ZNF839: variants seen among roughly 807,000 people sequenced by gnomAD.
ZNF839 encodes the protein zinc finger protein 839.
Under a neutral mutation model 56.4 loss-of-function variants are expected in ZNF839, and 38 were observed. That is an observed-to-expected ratio of 0.67 (90% CI 0.52 to 0.88). ZNF839 has a LOEUF of 0.88. Among genes scored for constraint, ZNF839 ranks in the 40% least tolerant of loss-of-function variants. The pLI is 0.00. For missense variants in ZNF839, 1,091 were observed against 1,177.6 expected (o/e 0.93, Z 1.08); for synonymous variants, 486 against 493.5 (o/e 0.98, Z 0.20).
At chr14:102,321,914 G>A (rs2073149466) in intron 1 of ZNF839, among the ~76,000 whole-genome samples, 1 of 152,106 alleles carries the variant, frequency 6.6e-6, no homozygotes, top group African/African-American at 2.4e-5. Context: ...CTGTGGGGGT[G>A]GTGTGGATCA....
chr14:102,321,621 T>C (rs920360209), intron 1 of ZNF839, among the ~76,000 whole-genome samples: 1 of 152,192 alleles, frequency 6.6e-6, no homozygotes, highest in Admixed American at 6.6e-5. Context: ...ACCGGATGCG[T>C]ACTTTGCCCC....
chr14:102,329,063 G>A lies in ZNF839; in HGVS notation c.1191+2176G>A, dbSNP rs191517232. Among the ~76,000 whole-genome samples the A allele has an allele frequency of 2.4e-4, 36 of 150,230 alleles. No homozygotes were observed. In the East Asian group the frequency reaches 5.6e-3, roughly 23 times the overall value. On this transcript the variant is annotated intron_variant, in intron 2 of 7. Coordinates refer to ENST00000442396, the MANE Select transcript of ZNF839 (RefSeq NM_018335.6). ...CAGTTCACTGCAACCTCTACCTCCC[G>A]GGTTCAAGTCGTTCTCCTGCCTCAG...
rs1235083929 is a variant in ZNF839, at chr14:102,335,739, A to T, written c.1560A>T (p.Glu520Asp). 2 of 1,601,162 alleles carry T rather than the reference A, an allele frequency of 1.2e-6. No individual in the cohort carries two copies. Among genetic ancestry groups the T allele is most frequent in the South Asian group, 2.2e-5 (2 of 91,052 alleles). Residue 520 changes from glutamate (E) to aspartate (D), a missense_variant, in exon 5 of 8, where the codon GAA (glutamate) becomes GAT (aspartate). Physicochemically the swap from Glu to Asp is conservative, Grantham distance 45. Coordinates refer to ENST00000442396, the MANE Select transcript of ZNF839 (RefSeq NM_018335.6). ...AKPFFPAIYK[E>D]FEELHKMVKK... ...CTTTTTTCCCAGCTATATATAAGGA[A>T]TTTGAAGAGTTGCATAAAATGGTTA...
chr14:102,325,025 T>G (rs938726477), intron 1 of ZNF839, among the ~76,000 whole-genome samples: 2 of 152,108 alleles, frequency 1.3e-5, no homozygotes, highest in Admixed American at 6.6e-5. Flanking sequence ...TGAAATCAAC[T>G]TAGTGGATTA....
In ZNF839 at chr14:102,326,367, C is replaced by T; in HGVS notation, c.671C>T (p.Ser224Leu). The T allele has an allele frequency of 6.2e-7, 1 of 1,610,592 alleles. No individual in the cohort carries two copies. Among genetic ancestry groups the T allele is most frequent in the Non-Finnish European group, 8.5e-7 (1 of 1,178,168 alleles). ...GCAGTAACATCTCTTTCATCCAGTT[C>T]AGCACATCCATTTATTTCCAACTTG... ...PLAVTSLSSS[S>L]AHPFISNLHT... The change falls in exon 2 of 8, where the codon TCA becomes TTA. Residue 224 changes from serine to leucine, a missense_variant. Ser to Leu is a moderately radical substitution (Grantham distance 145, BLOSUM62 -2). Around this residue, in one of 3 missense-constraint regions of ZNF839, gnomAD observed 614 missense variants for 629.2 expected, o/e 0.98. Transcript: ENST00000442396. The surrounding 1 kb of genome is among the most constrained non-coding windows in gnomAD (Gnocchi z 4.3).
intron 5 of ZNF839, chr14:102,337,504 A>G (rs1456581507): frequency 1.3e-5 from 2 of 152,134 alleles, no homozygotes; most frequent in Non-Finnish European, 2.9e-5. Context: ...AAAATGTAAA[A>G]GGTTTTTGCT....
Position 102,334,592 on chromosome 14 carries a change from G to C in ZNF839, c.1455G>C (p.Leu485Phe). 1 of 1,612,640 alleles carries C rather than the reference G, an allele frequency of 6.2e-7. No homozygotes were observed. The highest frequency in any genetic ancestry group is 8.5e-7 in the Non-Finnish European group (1 of 1,179,384). The change falls in exon 4 of 8, where the codon TTG becomes TTC. Residue 485 changes from leucine to phenylalanine, a missense_variant. Coordinates refer to ENST00000442396, the MANE Select transcript of ZNF839 (RefSeq NM_018335.6). Reference sequence around the variant, plus strand: ...GTGACCGGGAGGATCTGGTGGAATTGGCTCTGCCTCAGCTGGCTCAGGTTG... The same window carrying C: ...GTGACCGGGAGGATCTGGTGGAATTCGCTCTGCCTCAGCTGGCTCAGGTTG... The part of the protein sequence containing the change: ...QQCDREDLVE[L>F]ALPQLAQVVT...
chr14:102,337,801 C>T (rs374589302), intron 5 of ZNF839: 8 of 152,320 alleles, frequency 5.3e-5, no homozygotes, highest in African/African-American at 1.9e-4. Flanking sequence ...CCGTGCCCAC[C>T]CCCATCTCAT....
intron 1 of ZNF839, among the ~76,000 whole-genome samples, chr14:102,322,730 A>G (rs35829645): frequency 0.16 from 24,961 of 152,048 alleles, 2,511 homozygotes; most frequent in Non-Finnish European, 0.24. Flanking sequence ...ATGCCTGGCT[A>G]ATTTAAAAAT....
intron 2 of ZNF839, among the ~76,000 whole-genome samples, chr14:102,329,585 A>G (rs911057660): frequency 1.3e-5 from 2 of 151,686 alleles, no homozygotes; most frequent in Admixed American, 1.3e-4. Context: ...GGGTTTCGCC[A>G]TATTCGCCAG....
intron 1 of ZNF839, among the ~76,000 whole-genome samples, chr14:102,322,308 C>G (rs891124640): frequency 6.6e-6 from 1 of 152,176 alleles, no homozygotes; most frequent in Non-Finnish European, 1.5e-5. Context: ...CCAGGAGATC[C>G]GATTCAGCAG....
chr14:102,338,753 ATG>A, intron 5 of ZNF839, 61 bp from the exon 6 acceptor site: 1 of 1,600,372 alleles, frequency 6.2e-7, no homozygotes, highest in Non-Finnish European at 8.5e-7. Flanking sequence ...TTGCATGTGA[ATG>A]TGCTTCTGGG....
At chr14:102,323,278 C>T (rs1235187889) in intron 1 of ZNF839, among the ~76,000 whole-genome samples, 1 of 152,258 alleles carries the variant, frequency 6.6e-6, no homozygotes, top group Non-Finnish European at 1.5e-5. Context: ...TGCTGCTGGC[C>T]ATCCTCCAGC....
intron 1 of ZNF839, among the ~76,000 whole-genome samples, chr14:102,321,899 G>A (rs920290498): frequency 9.2e-5 from 14 of 152,134 alleles, no homozygotes; most frequent in Admixed American, 7.2e-4. Context: ...AAGGCCCAGT[G>A]TTCGCTGTGG....
At chr14:102,330,151 T>C (rs2073702787) in intron 2 of ZNF839, among the ~76,000 whole-genome samples, 1 of 152,136 alleles carries the variant, frequency 6.6e-6, no homozygotes, top group Admixed American at 6.6e-5. Context: ...ATGTAGGAAT[T>C]TGTCCATTTC....
chr14:102,328,171 A>G (rs1213156162), intron 2 of ZNF839, among the ~76,000 whole-genome samples: 2 of 151,442 alleles, frequency 1.3e-5, no homozygotes, highest in Non-Finnish European at 2.9e-5. Flanking sequence ...CCTGGCCAAC[A>G]TGGTGAAACC....
chr14:102,324,718 G>GTGAGGC (rs1485860293), intron 1 of ZNF839, among the ~76,000 whole-genome samples: 1 of 151,204 alleles, frequency 6.6e-6, no homozygotes, highest in Non-Finnish European at 1.5e-5. Context: ...GCCGGGTGTG[G>GTGAGGC]TGAGGCAGGT....
intron 1 of ZNF839, among the ~76,000 whole-genome samples, chr14:102,325,110 G>A (rs1258011777): frequency 6.6e-6 from 1 of 152,050 alleles, no homozygotes; most frequent in East Asian, 1.9e-4. Context: ...CCAGCACTTC[G>A]GGAGGCCAAG....
At chr14:102,321,667 A>G (rs2073135404) in intron 1 of ZNF839, among the ~76,000 whole-genome samples, 1 of 152,190 alleles carries the variant, frequency 6.6e-6, no homozygotes, top group Non-Finnish European at 1.5e-5. Context: ...ATGAAACAAG[A>G]CCCAGATAAC....
Sources: allele counts gnomAD v4.1 joint callset (sites outside exome capture counted in the v4.1 genomes callset), GRCh38; gene constraint gnomAD v4.1.1; regional missense constraint gnomAD v4.1.1; non-coding constraint Gnocchi (gnomAD v3.1); transcripts MANE v1.5; gene names NCBI Gene and HGNC (gene_info 2026-07-23, HGNC 2026-07-21).